Variants in PRUNE1 observed in about 807,000 individuals in gnomAD.
PRUNE1 encodes the protein prune exopolyphosphatase 1, also known as exopolyphosphatase PRUNE1.
In PRUNE1, 25 loss-of-function variants were observed where a neutral mutation model predicts 42.5. That is an observed-to-expected ratio of 0.59 (90% CI 0.43 to 0.82). The LOEUF is 0.82. PRUNE1 is among the 40% of genes least tolerant of loss of function. The pLI, the probability that PRUNE1 is intolerant of heterozygous loss-of-function variation, is 0.00. For synonymous variants in PRUNE1, 203 were observed against 217.1 expected, an observed-to-expected ratio of 0.93 and a Z score of 0.57; for missense variants, 443 against 539.3, an observed-to-expected ratio of 0.82 and a Z score of 1.77.
Position 151,034,031 on chromosome 1 carries a change from T to C in PRUNE1, c.1159T>C (p.Leu387=). The part of the protein sequence containing the change: ...DVSREQVDKE[L]DRASNSLISG... ...GTCCAGGGAGCAAGTGGACAAGGAA[T>C]TGGACAGGGCAAGTAACTCCCTGAT... Residue 387 remains leucine (L), a synonymous_variant, in exon 8 of 8, where the codon TTG becomes CTG. Coordinates refer to ENST00000271620, the MANE Select transcript of PRUNE1 (RefSeq NM_021222.3). The C allele has an allele frequency of 2.5e-6, 4 of 1,614,140 alleles. No homozygotes were observed. The highest frequency in any genetic ancestry group is 3.4e-6 in the Non-Finnish European group (4 of 1,180,004).
chr1:151,027,211 T>C, intron 5 of PRUNE1, 22 bp from the exon 6 acceptor site: 1 of 1,564,028 alleles, frequency 6.4e-7, no homozygotes, highest in South Asian at 1.1e-5. Context: ...GTTTGACCCC[T>C]AGTCTCTCAT....
At chr1:151,023,791 A>G (rs965650676) in intron 3 of PRUNE1, among the ~76,000 whole-genome samples, 2 of 152,096 alleles carry the variant, frequency 1.3e-5, no homozygotes, top group Admixed American at 6.6e-5. Flanking sequence ...TGGAAAGGCA[A>G]CGCTAAAGGA....
chr1:151,025,747 T>TA (rs112975204), intron 5 of PRUNE1, 74 bp downstream of exon 5: 1 of 654,836 alleles, frequency 1.5e-6, no homozygotes, highest in Admixed American at 6.4e-5. Context: ...ATTATATTAT[T>TA]TTTTTTTTTT....
Position 151,034,334 on chromosome 1 carries a change from C to T in PRUNE1, c.*100C>T, listed in dbSNP as rs1675433553. On this transcript the variant is annotated 3_prime_UTR_variant, in exon 8 of 8. Coordinates refer to ENST00000271620, the MANE Select transcript of PRUNE1 (RefSeq NM_021222.3). ...TTCAGCAATTCTGTCTTCATTGCTC[C>T]AGGATCTGGTATACTGTTCTCATAA... 4 of 1,259,270 alleles carry T rather than the reference C, an allele frequency of 3.2e-6. No individual in the cohort carries two copies. In the African/African-American group the frequency reaches 4.4e-5, roughly 14 times the overall value. The allele number at this position is 1,259,270 out of a possible 1,614,324, so 78.0% of individuals were successfully genotyped here. A position where few individuals can be genotyped will look rare whatever the true frequency, so the allele number is the denominator to read the frequency against.
intron 7 of PRUNE1, among the ~76,000 whole-genome samples, chr1:151,032,005 G>A (rs1034726323): frequency 6.6e-6 from 1 of 152,194 alleles, no homozygotes; most frequent in African/African-American, 2.4e-5. Context: ...AGAACTTTGG[G>A]AGGCTGAGCT....
chr1:151,014,388 C>A (rs1382357611), intron 1 of PRUNE1, among the ~76,000 whole-genome samples: 1 of 152,184 alleles, frequency 6.6e-6, no homozygotes, highest in Admixed American at 6.6e-5. Context: ...CCTCTGTCTT[C>A]TGTATTTCTC....
intron 1 of PRUNE1, among the ~76,000 whole-genome samples, chr1:151,016,354 C>T (rs1375022612): frequency 2.8e-4 from 43 of 152,130 alleles, no homozygotes; most frequent in Non-Finnish European, 1.3e-4. Context: ...ATATAAGTAC[C>T]TGCCTCATTG....
At chr1:151,020,982 T>TAAA (rs752789540) in intron 3 of PRUNE1, among the ~76,000 whole-genome samples, 17 of 136,012 alleles carry the variant, frequency 1.2e-4, no homozygotes, top group Non-Finnish European at 2.6e-4. Context: ...GACTCCATCT[T>TAAA]AAAAAAAAAA....
chr1:151,018,218 A>G (rs1674218391), intron 2 of PRUNE1: 3 of 684,548 alleles, frequency 4.4e-6, no homozygotes, highest in East Asian at 2.5e-5. Context: ...CTTGAGGACT[A>G]AAAATTCCTT....
Position 151,034,259 on chromosome 1 carries a change from G to T in PRUNE1, c.*25G>T. ...ACTGTTGAGAGGCGAGGAGGTAGTG[G>T]GTGAGGCTACCTGACTCACTTCAAA... On this transcript the variant is annotated 3_prime_UTR_variant, in exon 8 of 8. Coordinates refer to ENST00000271620, the MANE Select transcript of PRUNE1 (RefSeq NM_021222.3). The T allele has an allele frequency of 6.3e-7, 1 of 1,590,068 alleles. No homozygotes were observed. Among genetic ancestry groups the T allele is most frequent in the Non-Finnish European group, 8.6e-7 (1 of 1,163,464 alleles).
At chr1:151,027,784 G>GCGCGCA (rs1338452034) in intron 6 of PRUNE1, among the ~76,000 whole-genome samples, 5 of 144,260 alleles carry the variant, frequency 3.5e-5, no homozygotes, top group African/African-American at 1.2e-4. Context: ...GTGTGTGTGC[G>GCGCGCA]CGCGCGTGTA....
At chr1:151,015,464 T>C (rs1017194901) in intron 1 of PRUNE1, among the ~76,000 whole-genome samples, 1 of 151,406 alleles carries the variant, frequency 6.6e-6, no homozygotes, top group African/African-American at 2.4e-5. Flanking sequence ...TGAAACCCCG[T>C]CTCTACTAAA....
intron 1 of PRUNE1, among the ~76,000 whole-genome samples, chr1:151,014,341 T>C (rs777040142): frequency 3.3e-5 from 5 of 152,090 alleles, no homozygotes; most frequent in Non-Finnish European, 7.4e-5. Context: ...AGGGCAAACT[T>C]CTTTAGGGGC....
chr1:151,012,605 G>A (rs145551467), intron 1 of PRUNE1, among the ~76,000 whole-genome samples: 1 of 152,232 alleles, frequency 6.6e-6, no homozygotes, highest in Non-Finnish European at 1.5e-5. Flanking sequence ...TGGGTGTTCA[G>A]GAAGGCTTCA....
chr1:151,014,093 C>T (rs1057437415), intron 1 of PRUNE1, among the ~76,000 whole-genome samples: 1 of 152,088 alleles, frequency 6.6e-6, no homozygotes, highest in African/African-American at 2.4e-5. Context: ...GATTCTCCTG[C>T]CTCAGCCTCC....
chr1:151,018,447 C>G lies in PRUNE1; in HGVS notation c.133-20C>G. On this transcript the variant is annotated intron_variant, in intron 2 of 7. Coordinates refer to ENST00000271620, the MANE Select transcript of PRUNE1 (RefSeq NM_021222.3). ...TCATTATAAAACCTTGTGATACCTT[C>G]TTTTCACTTTCCTATCTAGACAACT... 1 of 1,587,496 alleles carries G rather than the reference C, an allele frequency of 6.3e-7. No individual in the cohort carries two copies. The highest frequency in any genetic ancestry group is 1.1e-5 in the South Asian group (1 of 90,468).
chr1:151,027,895 C>T (rs1674977117), intron 6 of PRUNE1, among the ~76,000 whole-genome samples: 1 of 152,026 alleles, frequency 6.6e-6, no homozygotes, highest in Non-Finnish European at 1.5e-5. Context: ...GGATTATAGG[C>T]GTGAGCCACT....
At chr1:151,029,069 C>G in intron 7 of PRUNE1, 125 bp downstream of exon 7, 1 of 967,368 alleles carries the variant, frequency 1.0e-6, no homozygotes, top group African/African-American at 1.7e-5. Flanking sequence ...TACATGAGGT[C>G]CCTTGACCTG....
Position 151,035,453 on chromosome 1 carries a change from A to G in PRUNE1, c.*1219A>G, listed in dbSNP as rs1195058983. ...GAGTCTCCCCATTTTTTTTAACGCA[A>G]CCCTTTCCCCTTTTTCCTACCCCAC... On this transcript the variant is annotated 3_prime_UTR_variant, in exon 8 of 8. Coordinates refer to ENST00000271620, the MANE Select transcript of PRUNE1 (RefSeq NM_021222.3). 1 of 152,190 alleles carries G rather than the reference A, an allele frequency of 6.6e-6. No individual in the cohort carries two copies. The highest frequency in any genetic ancestry group is 2.4e-5 in the African/African-American group (1 of 41,280). 9.4% of individuals were successfully genotyped at this position (152,190 alleles called of 1,614,324 possible).
Sources: gnomAD v4.1 joint callset for allele counts (sites outside exome capture counted in the v4.1 genomes callset) on GRCh38, gnomAD v4.1.1 for gene constraint, MANE v1.5 for transcripts, NCBI Gene and HGNC (gene_info 2026-07-23, HGNC 2026-07-21) for gene names.